PLEKHG5: variants seen among roughly 807,000 people sequenced by gnomAD.
PLEKHG5 encodes the protein pleckstrin homology domain-containing family G member 5.
A neutral mutation model predicts 103.8 loss-of-function variants in PLEKHG5; 52 were observed. The observed-to-expected ratio is 0.50, with a 90% CI of 0.40 to 0.63. The LOEUF (loss-of-function observed/expected upper bound fraction) is 0.63. Among genes scored for constraint, PLEKHG5 ranks in the 30% least tolerant of loss-of-function variants. The probability of loss-of-function intolerance (pLI) is 0.00; values close to 1 mark genes in which losing one functional copy is unlikely to be tolerated. For synonymous variants in PLEKHG5, 592 were observed against 575.5 expected (o/e 1.03, Z -0.41); for missense variants, 1,205 against 1,347.6 (o/e 0.89, Z 1.66).
chr1:6,471,632 C>G lies in PLEKHG5; in HGVS notation c.1137G>C (p.Glu379Asp). The G allele has an allele frequency of 6.3e-7, 1 of 1,587,694 alleles. No individual in the cohort carries two copies. The highest frequency in any genetic ancestry group is 8.6e-7 in the Non-Finnish European group (1 of 1,167,708). ...GGATGTTGCTGAACAGGCGCTCCGC[C>G]TCCACCTGGGCGCGGCGGGAGGTGC... ...LQESGLLCEV[E>D]AERLFSNIPE... Residue 379 changes from glutamate to aspartate, a missense_variant, in exon 12 of 21, where the codon GAG (glutamate) becomes GAC (aspartate). By Grantham distance (45) the Glu-to-Asp change is conservative. Coordinates refer to ENST00000377728, the MANE Select transcript of PLEKHG5 (RefSeq NM_020631.6).
chr1:6,471,180 G>A, intron 12 of PLEKHG5, 80 bp from the exon 13 acceptor site: 2 of 1,174,484 alleles, frequency 1.7e-6, no homozygotes, highest in Non-Finnish European at 2.5e-6. Context: ...CTGCGCAAGC[G>A]CTTCCTTACT....
upstream of PLEKHG5, among the ~76,000 whole-genome samples, chr1:6,495,194 A>G (rs566430987): frequency 7.1e-4 from 108 of 152,356 alleles, 1 homozygote; most frequent in South Asian, 0.022. Flanking sequence ...TGTTGCCAGG[A>G]GCCCCCATCT....
In PLEKHG5 at chr1:6,468,340, G is replaced by A. The variant is rs1178659392; in HGVS notation, c.2496C>T (p.Ala832=). Residue 832 remains alanine, a synonymous_variant, in exon 20 of 21, where the codon GCC becomes GCT. Coordinates refer to ENST00000377728, the MANE Select transcript of PLEKHG5 (RefSeq NM_020631.6). ...LSPTSLQDFV[A]PGPMAELVPR... is the part of the protein sequence containing the mutation. ...GCACTAGCTCTGCCATTGGGCCTGG[G>A]GCCACAAAGTCTTGTAAGGAGGTTG... 6.2e-7 allele frequency: 1 copy of A among 1,609,510 alleles called. No individual in the cohort carries two copies. Among genetic ancestry groups the A allele is most frequent in the Admixed American group, 1.7e-5 (1 of 59,300 alleles).
intron 1 of PLEKHG5, among the ~76,000 whole-genome samples, chr1:6,516,550 G>T (rs945497874): frequency 1.3e-5 from 2 of 151,000 alleles, no homozygotes; most frequent in Admixed American, 1.3e-4. Flanking sequence ...CCAGCTACTG[G>T]GGAGGCTGAG....
At position 6,474,067 on chromosome 1, in the gene PLEKHG5, G is replaced by A; in HGVS notation, c.537C>T (p.Pro179=). ...GGGCGTCCACACGCTCCAGGGCGGG[G>A]GGCCCGGTCCCAGCTGGCCGCAGAA... ...LPILRPAGTG[P]PALERVDAQS... The change falls in exon 7 of 21, where the codon CCC becomes CCT. Residue 179 remains proline (P), a synonymous_variant. Transcript: ENST00000377728. 2 of 1,612,328 alleles carry A rather than the reference G, an allele frequency of 1.2e-6. No homozygotes were observed. Among genetic ancestry groups the A allele is most frequent in the Non-Finnish European group, 1.7e-6 (2 of 1,179,562 alleles).
intron 1 of PLEKHG5, among the ~76,000 whole-genome samples, chr1:6,512,902 G>GA (rs1373703954): frequency 9.2e-5 from 14 of 152,118 alleles, no homozygotes; most frequent in Non-Finnish European, 1.2e-4. Flanking sequence ...GGCCATGGGG[G>GA]GGTGAATAAA....
chr1:6,510,780 C>T (rs1638449858), intron 1 of PLEKHG5, among the ~76,000 whole-genome samples: 1 of 151,968 alleles, frequency 6.6e-6, no homozygotes, highest in African/African-American at 2.4e-5. Context: ...CAGCACAGAC[C>T]CTTCCTCCAA....
Position 6,474,573 on chromosome 1 carries a change from G to A in PLEKHG5, c.317C>T (p.Pro106Leu). The A allele has an allele frequency of 6.2e-7, 1 of 1,613,654 alleles. No homozygotes were observed. Among genetic ancestry groups the A allele is most frequent in the South Asian group, 1.1e-5 (1 of 91,084 alleles). Residue 106 changes from proline to leucine, a missense_variant, in exon 6 of 21, where the codon CCT (proline) becomes CTT (leucine). By Grantham distance (98) the Pro-to-Leu change is moderately conservative. Transcript: ENST00000377728. ...KKKSLGEVLL[P>L]VFERKGIALG... ...CGCAATGCCCTTCCTTTCAAATACA[G>A]GCAGCAGCACCTCCCTGCCCCCAGG...
rs1192615257 is a variant in PLEKHG5 at position 6,475,633 on chromosome 1, A to G, written c.150-111T>C. On this transcript the variant is annotated intron_variant, in intron 3 of 20. Transcript: ENST00000377728. ...CCTTGGCTCACCCCAGGTGACAGGT[A>G]ACCCGCGTGGATTCAACCCGGCCAG... is the stretch of plus-strand genomic sequence containing the variant. 3 of 953,340 alleles carry G rather than the reference A, an allele frequency of 3.1e-6. No individual in the cohort carries two copies. The Admixed American group carries it at 5.2e-5, about 16-fold the overall frequency. The allele number at this position is 953,340 out of a possible 1,614,324, so 59.1% of individuals were successfully genotyped here.
At chr1:6,494,718 C>T (rs980251997), upstream of PLEKHG5, among the ~76,000 whole-genome samples, 1 of 152,212 alleles carries the variant, frequency 6.6e-6, no homozygotes, top group South Asian at 2.1e-4. Context: ...CATTAAAGGC[C>T]CCCTCCTCCA....
At chr1:6,474,750 C>T (rs893028347) in intron 5 of PLEKHG5, 163 bp from the exon 6 acceptor site, 16 of 741,222 alleles carry the variant, frequency 2.2e-5, no homozygotes, top group South Asian at 2.0e-4. Context: ...TCCACAGACA[C>T]CTGCCCGCAG....
At chr1:6,517,706 G>A (rs1009154368) in intron 1 of PLEKHG5, among the ~76,000 whole-genome samples, 11 of 152,132 alleles carry the variant, frequency 7.2e-5, no homozygotes, top group African/African-American at 2.4e-4. Flanking sequence ...TAAATCTGTC[G>A]GGCCAGCCAT....
At position 6,470,860 on chromosome 1, in the gene PLEKHG5, G is replaced by A. The variant is rs1435710212; in HGVS notation, c.1417C>T (p.Gln473Ter). Residue 473 changes from glutamine to a stop codon, truncating the protein, a stop_gained, in exon 14 of 21, where the codon CAG becomes TAG. Transcript: ENST00000377728. LOFTEE classifies it high-confidence loss of function. ...AGCATGTCGCTCAGCTTCAGCCTCT[G>A]GCACTGTGGGTGCTTCTCCGCCCAC... ...ITWAEKHPQC[Q>*]RLKLSDMLAK... The A allele has an allele frequency of 6.4e-7, 1 of 1,574,204 alleles. No individual in the cohort carries two copies. Among genetic ancestry groups the A allele is most frequent in the African/African-American group, 1.3e-5 (1 of 74,326 alleles).
At chr1:6,496,428 G>T, upstream of PLEKHG5, 1 of 1,253,350 alleles carries the variant, frequency 8.0e-7, no homozygotes, top group Non-Finnish European at 1.2e-6. Context: ...TGCTGGGATA[G>T]AAAGGGCAGT....
chr1:6,486,227 G>C lies in PLEKHG5; in HGVS notation c.-88+5410C>G, dbSNP rs200006668. Among the ~76,000 whole-genome samples, 1 of 152,082 alleles carries C rather than the reference G, an allele frequency of 6.6e-6. No homozygotes were observed. The highest frequency in any genetic ancestry group is 1.5e-5 in the Non-Finnish European group (1 of 67,946). On this transcript the variant is annotated intron_variant, in intron 1 of 20. Coordinates refer to ENST00000377728, the MANE Select transcript of PLEKHG5 (RefSeq NM_020631.6). The surrounding 1 kb of genome is among the most constrained non-coding windows in gnomAD (Gnocchi z 5.3). ...AGCTCTTAGAATACAGGCACCAGAA[G>C]GGGGAGGCCAGGATGGGGCACACTC...
At chr1:6,497,421 G>C (rs1039858063), upstream of PLEKHG5, 251 of 936,600 alleles carry the variant, frequency 2.7e-4, no homozygotes, top group Non-Finnish European at 3.1e-4. This position sits in a 1 kb window ranked among gnomAD's most constrained non-coding sequence, Gnocchi z 6.1. Context: ...CCGGACCCTC[G>C]CACGGGAGGC....
chr1:6,481,566 T>A (rs571971192), intron 1 of PLEKHG5, among the ~76,000 whole-genome samples: 85 of 125,294 alleles, frequency 6.8e-4, no homozygotes, highest in East Asian at 5.6e-3. Flanking sequence ...TAAATAAATA[T>A]ATAAGTAAAT....
chr1:6,489,998 G>A (rs936602157), intron 1 of PLEKHG5, among the ~76,000 whole-genome samples: 4 of 152,164 alleles, frequency 2.6e-5, no homozygotes, highest in Non-Finnish European at 4.4e-5. Context: ...ACCCCTAAGT[G>A]GGTGCCTGGG....
At chr1:6,496,950 G>A, upstream of PLEKHG5, 2 of 1,522,376 alleles carry the variant, frequency 1.3e-6, no homozygotes, top group Non-Finnish European at 1.8e-6. Context: ...AGATCCCTGA[G>A]AACCTTACGC....
Sources: allele counts gnomAD v4.1 joint callset (sites outside exome capture counted in the v4.1 genomes callset), GRCh38; gene constraint gnomAD v4.1.1; non-coding constraint Gnocchi (gnomAD v3.1); transcripts MANE v1.5; gene names NCBI Gene and HGNC (gene_info 2026-07-23, HGNC 2026-07-21).